EYS: variants seen among roughly 807,000 people sequenced by gnomAD.
EYS encodes protein eyes shut homolog.
A neutral mutation model predicts 282.1 loss-of-function variants in EYS; 250 were observed. That is an observed-to-expected ratio of 0.89 (90% CI 0.80 to 0.98). The LOEUF (loss-of-function observed/expected upper bound fraction) is 0.98. EYS is among the 50% of genes least tolerant of loss of function. EYS has a pLI of 0.00. For missense variants in EYS, 4,016 were observed against 3,709.0 expected (o/e 1.08, Z -2.15); for synonymous variants, 1,355 against 1,282.9 (o/e 1.06, Z -1.20).
At chr6:64,555,525 G>C (rs549899071) in intron 26 of EYS, among the ~76,000 whole-genome samples, 7 of 151,992 alleles carry the variant, frequency 4.6e-5, no homozygotes, top group African/African-American at 1.7e-4. Context: ...GTGAGGTAAT[G>C]CATGTGTTAA....
intron 11 of EYS, among the ~76,000 whole-genome samples, chr6:65,333,399 C>T (rs1769866764): frequency 6.6e-6 from 1 of 151,438 alleles, no homozygotes; most frequent in African/African-American, 2.4e-5. Context: ...AGATAATGTC[C>T]TTTTTATTAT....
chr6:63,956,587 T>C (rs556364614), intron 35 of EYS, among the ~76,000 whole-genome samples: 2 of 152,342 alleles, frequency 1.3e-5, no homozygotes, highest in South Asian at 2.1e-4. Flanking sequence ...TTATTTTCTA[T>C]ATGTATTTTA....
At chr6:64,659,432 T>C (rs908550775) in intron 22 of EYS, among the ~76,000 whole-genome samples, 15 of 151,988 alleles carry the variant, frequency 9.9e-5, no homozygotes, top group African/African-American at 3.6e-4. Context: ...CTTCAAAAAA[T>C]CAATGAATCC....
chr6:65,152,636 G>C (rs1048362742), intron 12 of EYS, among the ~76,000 whole-genome samples: 7 of 151,934 alleles, frequency 4.6e-5, no homozygotes, highest in Admixed American at 1.3e-4. Context: ...TGCTATTTAA[G>C]CCATTAGTTT....
intron 12 of EYS, among the ~76,000 whole-genome samples, chr6:65,114,995 G>T (rs1466056932): frequency 6.6e-6 from 1 of 151,866 alleles, no homozygotes; most frequent in Non-Finnish European, 1.5e-5. Context: ...TCAGTCAATA[G>T]GTAGAGCTGA....
At chr6:64,902,261 T>C in intron 17 of EYS, 41 bp from the exon 18 acceptor site, 8 of 1,416,188 alleles carry the variant, frequency 5.6e-6, no homozygotes, top group Non-Finnish European at 7.7e-6. Flanking sequence ...AGTATATATG[T>C]ATAAAATCAA....
intron 26 of EYS, among the ~76,000 whole-genome samples, chr6:64,477,900 C>T (rs901251021): frequency 1.3e-5 from 2 of 152,054 alleles, no homozygotes; most frequent in African/African-American, 2.4e-5. Flanking sequence ...TATTTGTTGG[C>T]TCAATGGGTC....
intron 12 of EYS, among the ~76,000 whole-genome samples, chr6:65,216,907 G>A (rs1470866744): frequency 2.0e-5 from 3 of 151,818 alleles, no homozygotes; most frequent in African/African-American, 7.2e-5. Flanking sequence ...CCATTAACAT[G>A]CAAAACATAT....
chr6:64,595,506 T>C (rs1766557184), intron 24 of EYS, among the ~76,000 whole-genome samples: 1 of 152,172 alleles, frequency 6.6e-6, no homozygotes, highest in Non-Finnish European at 1.5e-5. Context: ...TGACCCTCTT[T>C]GCAGAAGACA....
chr6:63,750,852 A>G (rs1229963591), intron 41 of EYS, among the ~76,000 whole-genome samples: 1 of 152,166 alleles, frequency 6.6e-6, no homozygotes, highest in East Asian at 1.9e-4. Flanking sequence ...TCCACATATT[A>G]TTGTTAATTT....
chr6:64,735,114 T>C (rs1772142215), intron 22 of EYS, among the ~76,000 whole-genome samples: 6 of 152,104 alleles, frequency 3.9e-5, no homozygotes, highest in Admixed American at 3.9e-4. Flanking sequence ...GACCCAGTCA[T>C]GCTCTGTCGC....
chr6:64,617,471 G>A lies in EYS; in HGVS notation c.3631C>T (p.Leu1211Phe). Reference sequence around the variant, plus strand: ...GAGCCAGGTTCATTCTCCATGCAGAGTTCATGAACACATGAGTTGGGAATG... The same window carrying A: ...GAGCCAGGTTCATTCTCCATGCAGAATTCATGAACACATGAGTTGGGAATG... ...ECIPNSCVHE[L>F]CMENEPGSTC... Residue 1211 changes from leucine to phenylalanine, a missense_variant, in exon 24 of 43, where the codon CTC (leucine) becomes TTC (phenylalanine). Transcript: ENST00000503581. 1 of 1,550,926 alleles carries A rather than the reference G, an allele frequency of 6.4e-7. No homozygotes were observed. Among genetic ancestry groups the A allele is most frequent in the Non-Finnish European group, 8.7e-7 (1 of 1,146,450 alleles).
intron 24 of EYS, 112 bp downstream of exon 24, chr6:64,617,306 C>G: frequency 1.4e-6 from 1 of 709,576 alleles, no homozygotes; most frequent in Non-Finnish European, 2.5e-6. Flanking sequence ...AGGAGAGATG[C>G]GCTGAAGATT....
chr6:64,976,421 C>T (rs1360153499), intron 14 of EYS, among the ~76,000 whole-genome samples: 1 of 151,666 alleles, frequency 6.6e-6, no homozygotes, highest in African/African-American at 2.4e-5. Context: ...AAATTTACTT[C>T]TTATAATTCT....
At chr6:63,788,776 G>A (rs115831458) in intron 38 of EYS, among the ~76,000 whole-genome samples, 1 of 152,118 alleles carries the variant, frequency 6.6e-6, no homozygotes, top group Non-Finnish European at 1.5e-5. Flanking sequence ...ACTGGCCATT[G>A]TTCTCTTTCT....
At chr6:64,621,569 T>TA (rs544310530) in intron 23 of EYS, among the ~76,000 whole-genome samples, 1 of 152,142 alleles carries the variant, frequency 6.6e-6, no homozygotes, top group Non-Finnish European at 1.5e-5. Flanking sequence ...GATCTTGATT[T>TA]AAAAAAAGAT....
chr6:64,496,589 T>G (rs1776895727), intron 26 of EYS, among the ~76,000 whole-genome samples: 1 of 152,044 alleles, frequency 6.6e-6, no homozygotes, highest in Admixed American at 6.6e-5. Flanking sequence ...GAGTTCAGTC[T>G]TGTTTCTGCC....
chr6:65,403,669 A>G (rs1218101804), intron 6 of EYS, among the ~76,000 whole-genome samples: 1 of 151,956 alleles, frequency 6.6e-6, no homozygotes. Context: ...CTTCTAATGA[A>G]TAATAGAGAA....
intron 2 of EYS, among the ~76,000 whole-genome samples, chr6:65,531,512 G>A (rs1767767540): frequency 6.6e-6 from 1 of 152,096 alleles, no homozygotes; most frequent in Admixed American, 6.6e-5. Context: ...CTAACTGAAA[G>A]CCCAATCCCC....
Sources: gnomAD v4.1 joint callset for allele counts (sites outside exome capture counted in the v4.1 genomes callset) on GRCh38, gnomAD v4.1.1 for gene constraint, MANE v1.5 for transcripts, NCBI Gene and HGNC (gene_info 2026-07-23, HGNC 2026-07-21) for gene names.